Variants in EFHD1 observed in about 807,000 individuals in gnomAD.
EFHD1 encodes EF-hand domain family member D1.
In EFHD1, 10 loss-of-function variants were observed where a neutral mutation model predicts 17.2. That is an observed-to-expected ratio of 0.58 (90% CI 0.36 to 0.99). EFHD1 has a LOEUF of 0.99. Ranked by LOEUF, EFHD1 falls within the 50% of genes least tolerant of loss-of-function variation. The probability of loss-of-function intolerance (pLI) is 0.01; values close to 1 mark genes in which losing one functional copy is unlikely to be tolerated. For missense variants in EFHD1, 310 were observed against 327.5 expected (o/e 0.95, Z 0.41); for synonymous variants, 153 against 142.0 (o/e 1.08, Z -0.55).
intron 1 of EFHD1, among the ~76,000 whole-genome samples, chr2:232,619,851 C>T (rs941880302): frequency 1.3e-5 from 2 of 151,822 alleles, no homozygotes; most frequent in Non-Finnish European, 2.9e-5. Flanking sequence ...AGCTATGATC[C>T]TATGATCAGG....
At chr2:232,677,274 T>TAC (rs36180788) in intron 3 of EFHD1, among the ~76,000 whole-genome samples, 31,654 of 141,344 alleles carry the variant, frequency 0.22, 4,209 homozygotes, top group Middle Eastern at 0.32. Context: ...AACACACACA[T>TAC]ACACACACAC....
At chr2:232,660,419 C>T (rs1336932666) in intron 1 of EFHD1, among the ~76,000 whole-genome samples, 1 of 149,530 alleles carries the variant, frequency 6.7e-6, no homozygotes, top group African/African-American at 2.4e-5. Flanking sequence ...TGGTCTCGAT[C>T]TTGTTCTCCT....
At chr2:232,659,809 G>A (rs891168994) in intron 1 of EFHD1, among the ~76,000 whole-genome samples, 3 of 152,200 alleles carry the variant, frequency 2.0e-5, no homozygotes, top group African/African-American at 7.2e-5. Context: ...CGGAAGCATG[G>A]CAGCGTGTGC....
intron 1 of EFHD1, among the ~76,000 whole-genome samples, chr2:232,659,540 T>C (rs1019244000): frequency 6.6e-6 from 1 of 152,110 alleles, no homozygotes; most frequent in Admixed American, 6.6e-5. Flanking sequence ...GGGCCTCCTC[T>C]CCAGCCTGAC....
chr2:232,646,418 TTTCTC>T (rs1381063704), intron 1 of EFHD1, among the ~76,000 whole-genome samples: 5 of 150,998 alleles, frequency 3.3e-5, no homozygotes, highest in Non-Finnish European at 5.9e-5. Flanking sequence ...GATTCTCTCT[TTTCTC>T]TTCTCTTCTC....
At chr2:232,670,834 A>T (rs751826653) in intron 2 of EFHD1, among the ~76,000 whole-genome samples, 50 of 152,236 alleles carry the variant, frequency 3.3e-4, no homozygotes, top group Non-Finnish European at 3.1e-4. Context: ...TATTTGAAAC[A>T]TACCAGGTTC....
intron 1 of EFHD1, among the ~76,000 whole-genome samples, chr2:232,641,909 AT>A (rs1007644110): frequency 1.3e-5 from 2 of 152,166 alleles, no homozygotes; most frequent in East Asian, 3.9e-4. Flanking sequence ...CTTTTGGAAG[AT>A]TAGCACTGGA....
intron 3 of EFHD1, among the ~76,000 whole-genome samples, chr2:232,676,321 G>T (rs559531729): frequency 1.3e-5 from 2 of 152,284 alleles, no homozygotes; most frequent in East Asian, 3.9e-4. Flanking sequence ...CCATCATGTT[G>T]GTTGCAAATA....
intron 2 of EFHD1, among the ~76,000 whole-genome samples, chr2:232,667,798 T>A (rs1553601166): frequency 6.6e-6 from 1 of 152,170 alleles, no homozygotes; most frequent in Non-Finnish European, 1.5e-5. Context: ...CCTCAGGCGA[T>A]CCACCCGCCT....
chr2:232,668,354 T>G (rs1156308114), intron 2 of EFHD1, among the ~76,000 whole-genome samples: 1 of 152,242 alleles, frequency 6.6e-6, no homozygotes, highest in East Asian at 1.9e-4. Context: ...GTGACAGGGA[T>G]GCTGCTGGTC....
intron 1 of EFHD1, among the ~76,000 whole-genome samples, chr2:232,655,182 G>A (rs2106206837): frequency 6.6e-6 from 1 of 152,300 alleles, no homozygotes; most frequent in East Asian, 1.9e-4. Flanking sequence ...AGGCACCTTA[G>A]TGGTCATGTT....
intron 3 of EFHD1, among the ~76,000 whole-genome samples, chr2:232,676,001 C>G (rs1465306993): frequency 6.6e-6 from 1 of 152,034 alleles, no homozygotes; most frequent in Non-Finnish European, 1.5e-5. Flanking sequence ...CATGGTGAAA[C>G]CCCATCTCTA....
At chr2:232,663,078 C>A in intron 2 of EFHD1, 129 bp downstream of exon 2, 1 of 1,109,860 alleles carries the variant, frequency 9.0e-7, no homozygotes, top group Non-Finnish European at 1.2e-6. Flanking sequence ...CCTGCAATTC[C>A]GCTTTCAAAA....
At chr2:232,679,808 A>G (rs1483712116) in intron 3 of EFHD1, among the ~76,000 whole-genome samples, 2 of 152,168 alleles carry the variant, frequency 1.3e-5, no homozygotes, top group African/African-American at 4.8e-5. Context: ...GCAATTTACA[A>G]AAGAGGAAAT....
Position 232,654,416 on chromosome 2 carries a change from C to CTTTTTTTTTTTTTTT in EFHD1, c.303-8378_303-8364dup, listed in dbSNP as rs539954632. On this transcript the variant is annotated intron_variant, in intron 1 of 3. Coordinates refer to ENST00000264059, the MANE Select transcript of EFHD1 (RefSeq NM_025202.4). ...AGGATGACTTTTCTTTTCTTTCTTT[C>CTTTTTTTTTTTTTTT]TTTTTTTTTTTTTTTTTTTTTTGAG... Among the ~76,000 whole-genome samples the CTTTTTTTTTTTTTTT allele has an allele frequency of 6.8e-4, 64 of 94,616 alleles. 1 individual carries two copies. Among genetic ancestry groups the CTTTTTTTTTTTTTTT allele is most frequent in the Non-Finnish European group, 1.1e-3 (52 of 49,050 alleles). The allele number at this position is 94,616 out of a possible 152,430, so 62.1% of individuals were successfully genotyped here.
chr2:232,650,224 G>T (rs1450084651), intron 1 of EFHD1: 1 of 151,432 alleles, frequency 6.6e-6, no homozygotes, highest in Non-Finnish European at 1.5e-5. Flanking sequence ...CCACAAGGAA[G>T]CTCTAGGATG....
At position 232,681,630 on chromosome 2, in the gene EFHD1, G is replaced by A. The variant is rs1226941748; in HGVS notation, c.631G>A (p.Ala211Thr). The change falls in exon 4 of 4, where the codon GCT (alanine) becomes ACT (threonine). Residue 211 changes from alanine (A) to threonine (T), a missense_variant. By Grantham distance (58) the Ala-to-Thr change is moderately conservative. Transcript: ENST00000264059. ...CAGTAAGTTTGAAGCAGAGTTGAAA[G>A]CTGAGCAAGATGAGCGGAAGCGGGA... is the stretch of plus-strand genomic sequence containing the variant. The part of the protein sequence containing the change: ...SASKFEAELK[A>T]EQDERKREEE... 1 of 1,614,266 alleles carries A rather than the reference G, an allele frequency of 6.2e-7. No individual in the cohort carries two copies. The highest frequency in any genetic ancestry group is 8.5e-7 in the Non-Finnish European group (1 of 1,180,044).
At chr2:232,627,985 A>G (rs749422492) in intron 1 of EFHD1, among the ~76,000 whole-genome samples, 9 of 152,218 alleles carry the variant, frequency 5.9e-5, no homozygotes, top group Non-Finnish European at 1.0e-4. Flanking sequence ...TTACAATTTA[A>G]TGAGGCACGG....
intron 1 of EFHD1, among the ~76,000 whole-genome samples, chr2:232,610,429 G>T (rs957701826): frequency 1.9e-4 from 29 of 152,316 alleles, no homozygotes; most frequent in African/African-American, 6.3e-4. Flanking sequence ...CACAAAATTC[G>T]CCAGGTGTGG....
Sources: gnomAD v4.1 joint callset for allele counts (sites outside exome capture counted in the v4.1 genomes callset) on GRCh38, gnomAD v4.1.1 for gene constraint, MANE v1.5 for transcripts, NCBI Gene and HGNC (gene_info 2026-07-23, HGNC 2026-07-21) for gene names.